NAPA: variants seen among roughly 807,000 people sequenced by gnomAD.
NAPA encodes NSF attachment protein alpha.
In NAPA, 18 loss-of-function variants were observed where a neutral mutation model predicts 48.0. That is an observed-to-expected ratio of 0.38 (90% CI 0.26 to 0.56). NAPA has a LOEUF of 0.56. NAPA is among the 20% of genes least tolerant of loss of function. NAPA has a pLI of 0.77. For synonymous variants in NAPA, 152 were observed against 149.9 expected (o/e 1.01, Z -0.10); for missense variants, 315 against 385.0 (o/e 0.82, Z 1.52).
At chr19:47,500,409 C>G (rs967134071) in intron 3 of NAPA, among the ~76,000 whole-genome samples, 1 of 152,188 alleles carries the variant, frequency 6.6e-6, no homozygotes, top group Non-Finnish European at 1.5e-5. Flanking sequence ...ACCACCGACA[C>G]GGTAGATAGG....
chr19:47,504,730 TACAC>T lies in NAPA; in HGVS notation c.99-1232_99-1229del, dbSNP rs975381332. Among the ~76,000 whole-genome samples the T allele has an allele frequency of 4.6e-5, 7 of 152,050 alleles. No individual in the cohort carries two copies. In the East Asian group the frequency reaches 5.8e-4, roughly 13 times the overall value. On this transcript the variant is annotated intron_variant, in intron 1 of 10. Transcript: ENST00000263354. Reference sequence around the variant, plus strand: ...GTGTATATATCTATACATTTACACATACACAGACACACACACACACATATTTTTA... The same window carrying T: ...GTGTATATATCTATACATTTACACATAGACACACACACACACATATTTTTA...
chr19:47,501,155 G>A lies in NAPA; in HGVS notation c.179-406C>T, dbSNP rs755674559. Among the ~76,000 whole-genome samples the A allele has an allele frequency of 4.7e-4, 72 of 152,104 alleles. 1 individual carries two copies. The highest frequency in any genetic ancestry group is 3.2e-4 in the Non-Finnish European group (22 of 68,018). On this transcript the variant is annotated intron_variant, in intron 2 of 10. Coordinates refer to ENST00000263354, the MANE Select transcript of NAPA (RefSeq NM_003827.4). The stretch of plus-strand genomic sequence containing the variant: ...AGGAGAAGGCAGATAGAGCTGAGTT[G>A]GAAAGGATATAAAACAGAGTGAGGT...
chr19:47,485,526 C>T (rs556561928), downstream of NAPA, among the ~76,000 whole-genome samples: 5 of 152,296 alleles, frequency 3.3e-5, no homozygotes, highest in African/African-American at 4.8e-5. Flanking sequence ...CTGGACACCT[C>T]GAGCACACAC....
intron 1 of NAPA, among the ~76,000 whole-genome samples, chr19:47,513,434 T>C (rs990895723): frequency 1.5e-4 from 23 of 152,172 alleles, no homozygotes; most frequent in South Asian, 4.1e-4. Flanking sequence ...TCATAGCAAA[T>C]GGGAGGTAGG....
At position 47,497,791 on chromosome 19, in the gene NAPA, A is replaced by C. The variant is rs1317870594; in HGVS notation, c.296-2195T>G. 3.3e-5 allele frequency among the ~76,000 whole-genome samples: 5 copies of C among 152,376 alleles called. No homozygotes were observed. The East Asian group carries it at 9.6e-4, about 29-fold the overall frequency. ...AATGGGGGCAAATCACAGAATGCAC[A>C]AAGAAATCAAATGGGTTAAAAGATG... is the stretch of plus-strand genomic sequence containing the variant. On this transcript the variant is annotated intron_variant, in intron 3 of 10. Coordinates refer to ENST00000263354, the MANE Select transcript of NAPA (RefSeq NM_003827.4).
chr19:47,490,074 TG>T, intron 9 of NAPA, among the ~76,000 whole-genome samples: 4 of 142,832 alleles, frequency 2.8e-5, no homozygotes, highest in African/African-American at 1.1e-4. Flanking sequence ...TGTGTGTGTG[TG>T]GTGTGTGTGT....
intron 3 of NAPA, among the ~76,000 whole-genome samples, chr19:47,500,405 G>A (rs917036321): frequency 4.6e-5 from 7 of 152,192 alleles, no homozygotes; most frequent in Non-Finnish European, 1.0e-4. Context: ...CGACACCACC[G>A]ACACGGTAGA....
chr19:47,489,530 C>A, intron 10 of NAPA, 181 bp downstream of exon 10: 1 of 683,894 alleles, frequency 1.5e-6, no homozygotes. Flanking sequence ...ATGGGGAGAA[C>A]ACTCCCTGCG....
intron 2 of NAPA, among the ~76,000 whole-genome samples, chr19:47,501,191 A>G (rs868631070): frequency 2.5e-4 from 38 of 151,916 alleles, no homozygotes; most frequent in Non-Finnish European, 2.6e-4. Flanking sequence ...GGCCTCCTGC[A>G]CCTCCCGGCC....
downstream of NAPA, among the ~76,000 whole-genome samples, chr19:47,487,238 T>C (rs1968098272): frequency 6.6e-6 from 1 of 152,210 alleles, no homozygotes; most frequent in Admixed American, 6.5e-5. Context: ...GCGTTCAGCC[T>C]TCCTGCCAGA....
intron 7 of NAPA, 70 bp downstream of exon 7, chr19:47,492,891 C>G (rs551078682): frequency 6.7e-7 from 1 of 1,485,722 alleles, no homozygotes; most frequent in East Asian, 2.3e-5. Flanking sequence ...AACAAGGTGC[C>G]GGGGCTTAGG....
rs746442237 is a variant in NAPA at position 47,493,090 on chromosome 19, G to A, written c.476+29C>T. The stretch of plus-strand genomic sequence containing the variant: ...GAGGGGAAGTGGTGGCGGTCCCTGC[G>A]GGGCTGGGGCAGGCAGGAAGGGGGC... On this transcript the variant is annotated intron_variant, in intron 6 of 10. Transcript: ENST00000263354. This position sits in a 1 kb window ranked among gnomAD's most constrained non-coding sequence, Gnocchi z 6.4. The A allele has an allele frequency of 1.7e-5, 28 of 1,613,848 alleles. No homozygotes were observed. The highest frequency in any genetic ancestry group is 7.7e-5 in the South Asian group (7 of 91,084).
chr19:47,514,497 A>G (rs1968867155), intron 1 of NAPA, among the ~76,000 whole-genome samples: 1 of 151,786 alleles, frequency 6.6e-6, no homozygotes, highest in African/African-American at 2.4e-5. Context: ...GTCCCCTCCA[A>G]GGCTTCAGGA....
rs1011388140 is a variant in NAPA, at chr19:47,514,828, C to T, written c.98+15G>A. On this transcript the variant is annotated intron_variant, in intron 1 of 10. Transcript: ENST00000263354. ...TCAGCCTAGGTCCCGGCCGACCCCT[C>T]AGCCCGGTTCTCACCCAAAGAGGCC... is the stretch of plus-strand genomic sequence containing the variant. The T allele has an allele frequency of 8.1e-6, 13 of 1,611,982 alleles. No homozygotes were observed. The Admixed American group carries it at 1.8e-4, about 23-fold the overall frequency.
intron 2 of NAPA, among the ~76,000 whole-genome samples, chr19:47,502,438 A>C (rs1968600608): frequency 6.6e-6 from 1 of 152,120 alleles, no homozygotes; most frequent in Non-Finnish European, 1.5e-5. Context: ...AAATACAAAA[A>C]ACATTTGGCT....
At chr19:47,512,759 AAT>A (rs950125192) in intron 1 of NAPA, 90 of 152,438 alleles carry the variant, frequency 5.9e-4, no homozygotes, top group African/African-American at 2.0e-3. Flanking sequence ...CACACCAGGC[AAT>A]TCGCCATCAT....
chr19:47,485,352 T>C (rs1170373059), downstream of NAPA, among the ~76,000 whole-genome samples: 1 of 152,236 alleles, frequency 6.6e-6, no homozygotes, highest in East Asian at 1.9e-4. Context: ...CACTGACTGA[T>C]ATGCTAGCAA....
Position 47,495,560 on chromosome 19 carries a change from T to C in NAPA, c.332A>G (p.Tyr111Cys), listed in dbSNP as rs767946478. The C allele has an allele frequency of 1.5e-5, 24 of 1,613,830 alleles. 1 individual carries two copies. The South Asian group carries it at 2.2e-4, about 15-fold the overall frequency. The change falls in exon 4 of 11, where the codon TAC (tyrosine) becomes TGC (cysteine). Residue 111 changes from tyrosine to cysteine, a missense_variant. Physicochemically the swap from Tyr to Cys is radical, Grantham distance 194 (BLOSUM62 -2). This residue lies in a region of NAPA where 173 missense variants were observed against 213.5 expected (regional missense o/e 0.81). Transcript: ENST00000263354. ...INCLMRAIEI[Y>C]TDMGRFTIAA... ...GCAAGCAGCCCTTACCATGTCTGTG[T>C]AGATCTCGATTGCTCGCATCAAACA...
At chr19:47,492,588 T>A in intron 7 of NAPA, 2 of 415,286 alleles carry the variant, frequency 4.8e-6, no homozygotes, top group Non-Finnish European at 9.2e-6. Context: ...TCCCTCCCAC[T>A]GTGGATGAGG....
Sources: gnomAD v4.1 joint callset for allele counts (sites outside exome capture counted in the v4.1 genomes callset) on GRCh38, gnomAD v4.1.1 for gene constraint, gnomAD v4.1.1 regional missense constraint, Gnocchi (gnomAD v3.1) non-coding constraint, MANE v1.5 for transcripts, NCBI Gene and HGNC (gene_info 2026-07-23, HGNC 2026-07-21) for gene names.